The following CELSR1 variants were observed in gnomAD, a reference collection of about 807,000 sequenced individuals.
CELSR1 encodes the protein cadherin EGF LAG seven-pass G-type receptor 1.
CELSR1 carries 110 observed loss-of-function variants against 249.1 expected under a neutral mutation model. The observed-to-expected ratio is 0.44, with a 90% CI of 0.38 to 0.52. The LOEUF (loss-of-function observed/expected upper bound fraction) is 0.52, where lower values mean the gene tolerates loss of function less well. Ranked by LOEUF, CELSR1 falls within the 20% of genes least tolerant of loss-of-function variation. CELSR1 has a pLI of 0.00. For missense variants in CELSR1, 4,109 were observed against 4,296.4 expected, an observed-to-expected ratio of 0.96 and a Z score of 1.22; for synonymous variants, 2,113 against 1,900.0, an observed-to-expected ratio of 1.11 and a Z score of -2.92.
intron 1 of CELSR1, among the ~76,000 whole-genome samples, chr22:46,476,859 T>C (rs2080214008): frequency 1.2e-5 from 1 of 82,276 alleles, no homozygotes; most frequent in South Asian, 4.9e-4. Context: ...GAAGGAGAGG[T>C]TGCACATCGT....
intron 1 of CELSR1, among the ~76,000 whole-genome samples, chr22:46,475,996 C>T (rs570462706): frequency 3.7e-4 from 56 of 152,222 alleles, no homozygotes; most frequent in African/African-American, 1.3e-3. Context: ...GCCAGCCCAA[C>T]GCCAGCCTAA....
chr22:46,368,291 G>C (rs940177417), intron 27 of CELSR1, among the ~76,000 whole-genome samples: 2 of 152,076 alleles, frequency 1.3e-5, no homozygotes, highest in Non-Finnish European at 2.9e-5. Flanking sequence ...GGAAGACAAA[G>C]GCGCATCCCC....
chr22:46,384,594 C>G lies in CELSR1; in HGVS notation c.6832G>C (p.Glu2278Gln), dbSNP rs775847111. 21 of 1,613,606 alleles carry G rather than the reference C, an allele frequency of 1.3e-5. No individual in the cohort carries two copies. Among genetic ancestry groups the G allele is most frequent in the Non-Finnish European group, 1.7e-5 (20 of 1,179,886 alleles). The part of the protein sequence containing the change: ...TIHEEFPREL[E>Q]SSVSFPADFF... ...TCGGCTGGGAAGGAGACGGAGGACT[C>G]CAGCTCCCTGGGGAACTCTTCATGG... Residue 2278 changes from glutamate to glutamine, a missense_variant, in exon 20 of 35, where the codon GAG becomes CAG. Around this residue, in one of 7 missense-constraint regions of CELSR1, gnomAD observed 1,805 missense variants for 1,831.6 expected, o/e 0.99. Coordinates refer to ENST00000674500, the MANE Select transcript of CELSR1 (RefSeq NM_001378328.1).
chr22:46,408,305 G>A lies in CELSR1; in HGVS notation c.5226+691C>T, dbSNP rs1215909377. ...GAGGCATCTCAAGCTCCCAGAGAAAGTGGACGTGCATTGGTGCCAACCACC... is the reference window on the plus strand; with the variant it reads ...GAGGCATCTCAAGCTCCCAGAGAAAATGGACGTGCATTGGTGCCAACCACC... On this transcript the variant is annotated intron_variant, in intron 9 of 34. Transcript: ENST00000674500. The surrounding 1 kb of genome is among the most constrained non-coding windows in gnomAD (Gnocchi z 4.6). 3.9e-5 allele frequency among the ~76,000 whole-genome samples: 6 copies of A among 152,234 alleles called. No homozygotes were observed. The highest frequency in any genetic ancestry group is 4.1e-4 in the South Asian group (2 of 4,834).
At position 46,436,652 on chromosome 22, in the gene CELSR1, C is replaced by T. The variant is rs1309816400; in HGVS notation, c.4407-363G>A. Among the ~76,000 whole-genome samples the T allele has an allele frequency of 1.3e-5, 2 of 152,138 alleles. No individual in the cohort carries two copies. Among genetic ancestry groups the T allele is most frequent in the Non-Finnish European group, 2.9e-5 (2 of 68,020 alleles). ...TTCTGCTGCTGTGAACAGATCCCCC[C>T]GTGTGTGCGCCAGGGCATGGGGACC... On this transcript the variant is annotated intron_variant, in intron 3 of 34. Transcript: ENST00000674500. This position sits in a 1 kb window ranked among gnomAD's most constrained non-coding sequence, Gnocchi z 5.9.
intron 2 of CELSR1, among the ~76,000 whole-genome samples, chr22:46,451,597 GTGACC>G (rs1432418168): frequency 6.6e-6 from 1 of 152,120 alleles, no homozygotes; most frequent in Non-Finnish European, 1.5e-5. Context: ...GCGGGCCCAG[GTGACC>G]CCAGCCTGGA....
chr22:46,477,160 A>G (rs916403689), intron 1 of CELSR1, among the ~76,000 whole-genome samples: 1 of 152,152 alleles, frequency 6.6e-6, no homozygotes, highest in Non-Finnish European at 1.5e-5. Context: ...CCCTGGAGAC[A>G]CCAAACTCCC....
Position 46,477,484 on chromosome 22 carries a change from C to T in CELSR1, c.3545-13139G>A, listed in dbSNP as rs544155677. Among the ~76,000 whole-genome samples, 36 of 150,014 alleles carry T rather than the reference C, an allele frequency of 2.4e-4. 1 individual carries two copies. The South Asian group carries it at 7.2e-3, about 30-fold the overall frequency. On this transcript the variant is annotated intron_variant, in intron 1 of 34. Coordinates refer to ENST00000674500, the MANE Select transcript of CELSR1 (RefSeq NM_001378328.1). ...GGGAGACGCTGAGTGGCCAACGAGC[C>T]TGTTTTTTTGTTTTGTTTTGTTTTA... is the stretch of plus-strand genomic sequence containing the variant.
Position 46,511,599 on chromosome 22 carries a change from C to A in CELSR1, c.3544+22028G>T, listed in dbSNP as rs116561236. Among the ~76,000 whole-genome samples, 776 of 152,302 alleles carry A rather than the reference C, an allele frequency of 5.1e-3. 7 individuals are homozygous for A. Among genetic ancestry groups the A allele is most frequent in the African/African-American group, 0.017 (726 of 41,560 alleles). On this transcript the variant is annotated intron_variant, in intron 1 of 34. Coordinates refer to ENST00000674500, the MANE Select transcript of CELSR1 (RefSeq NM_001378328.1). The stretch of plus-strand genomic sequence containing the variant: ...ACCCAAAGCTCAGAGAGCTGTGGAT[C>A]CCAGGACTTGAGAAGCTCAGGGCAG...
chr22:46,503,746 A>C (rs949125737), intron 1 of CELSR1, among the ~76,000 whole-genome samples: 4 of 152,212 alleles, frequency 2.6e-5, no homozygotes, highest in African/African-American at 9.6e-5. Context: ...AAAAATATTT[A>C]AGGCTGGGTG....
chr22:46,535,981 C>G lies in CELSR1; in HGVS notation c.1190G>C (p.Trp397Ser). ...NLRYRVLGGA[W>S]DVFQLNESSG... ...GCTCTCGTTGAGCTGGAAGACGTCC[C>G]ACGCGCCCCCCAACACGCGGTAACG... The change falls in exon 1 of 35, where the codon TGG becomes TCG. Residue 397 changes from tryptophan (W) to serine (S), a missense_variant. Coordinates refer to ENST00000674500, the MANE Select transcript of CELSR1 (RefSeq NM_001378328.1). The G allele has an allele frequency of 2.1e-5, 34 of 1,610,642 alleles. No homozygotes were observed. Among genetic ancestry groups the G allele is most frequent in the Non-Finnish European group, 2.6e-5 (31 of 1,179,910 alleles).
rs1157001886 is a variant in CELSR1, at chr22:46,411,519, G to A, written c.4769+83C>T. 2.4e-5 allele frequency: 36 copies of A among 1,528,068 alleles called. No homozygotes were observed. In the East Asian group the frequency reaches 2.8e-4, roughly 12 times the overall value. The allele number at this position is 1,528,068 out of a possible 1,614,324, so 94.7% of individuals were successfully genotyped here. On this transcript the variant is annotated intron_variant, in intron 6 of 34. Coordinates refer to ENST00000674500, the MANE Select transcript of CELSR1 (RefSeq NM_001378328.1). This position sits in a 1 kb window ranked among gnomAD's most constrained non-coding sequence, Gnocchi z 4.2. ...AGGGCACTGCACCCAGAGTGCCTAC[G>A]TGGGGCCCTGCCCTGGGAAGGCCGC...
In CELSR1 at chr22:46,364,116, C is replaced by A; in HGVS notation, c.8915G>T (p.Gly2972Val). The A allele has an allele frequency of 6.2e-7, 1 of 1,612,264 alleles. No homozygotes were observed. The highest frequency in any genetic ancestry group is 2.2e-5 in the East Asian group (1 of 44,846). ...GACTGTGATGGCGCAGTCGGGGCCGCCAGAGCCCAGGGAAGACGTGCGCGA... is the reference window on the plus strand; with the variant it reads ...GACTGTGATGGCGCAGTCGGGGCCGACAGAGCCCAGGGAAGACGTGCGCGA... ...TSSRTSSLGSGGPDCAITVKS... is the reference protein window; with the variant it reads ...TSSRTSSLGSVGPDCAITVKS... Residue 2972 changes from glycine (G) to valine (V), a missense_variant, in exon 34 of 35, where the codon GGC becomes GTC. Physicochemically the swap from Gly to Val is moderately radical, Grantham distance 109 (BLOSUM62 -3). This residue lies in a region of CELSR1 where 1,805 missense variants were observed against 1,831.6 expected (regional missense o/e 0.99). Transcript: ENST00000674500.
Position 46,381,840 on chromosome 22 carries a change from C to T in CELSR1, c.7088+6G>A. ...CCTCCCCGTGTGCCCCGTGCCCAGG[C>T]CTTACCGGAGGCTGCGACGGTCGGG... is the stretch of plus-strand genomic sequence containing the variant. On this transcript the variant is annotated splice_donor_region_variant and intron_variant, in intron 21 of 34. Coordinates refer to ENST00000674500, the MANE Select transcript of CELSR1 (RefSeq NM_001378328.1). This position sits in a 1 kb window ranked among gnomAD's most constrained non-coding sequence, Gnocchi z 6.0. 1 of 1,546,782 alleles carries T rather than the reference C, an allele frequency of 6.5e-7. No homozygotes were observed. The highest frequency in any genetic ancestry group is 8.7e-7 in the Non-Finnish European group (1 of 1,149,578).
intron 1 of CELSR1, among the ~76,000 whole-genome samples, chr22:46,496,627 ATTT>A (rs55785020): frequency 8.0e-4 from 121 of 150,894 alleles, no homozygotes; most frequent in East Asian, 1.6e-3. Context: ...TTATCTATTA[ATTT>A]TTTTTTTTTA....
chr22:46,414,943 G>A (rs751993633), intron 5 of CELSR1, among the ~76,000 whole-genome samples: 2 of 152,178 alleles, frequency 1.3e-5, no homozygotes, highest in African/African-American at 2.4e-5. Context: ...CGCAGCCACC[G>A]AAAGGCACGA....
At chr22:46,530,510 G>C (rs2080781051) in intron 1 of CELSR1, 2 of 152,018 alleles carry the variant, frequency 1.3e-5, no homozygotes, top group Admixed American at 6.6e-5. Context: ...CCTGAAAAAC[G>C]CAAACACAGC....
rs2147821612 is a variant in CELSR1 at position 46,533,694 on chromosome 22, T to C, written c.3477A>G (p.Glu1159=). 2 of 1,611,054 alleles carry C rather than the reference T, an allele frequency of 1.2e-6. No individual in the cohort carries two copies. The highest frequency in any genetic ancestry group is 1.7e-6 in the Non-Finnish European group (2 of 1,179,528). The stretch of plus-strand genomic sequence containing the variant: ...TGTCCAGGTCGCGGCTGAGCTGCAG[T>C]TCGCCCGTGGCGGGGTCCAGCAGCA... The part of the protein sequence containing the change: ...RLLLLDPATG[E]LQLSRDLDNN... Residue 1159 remains glutamate, a synonymous_variant, in exon 1 of 35, where the codon GAA becomes GAG. Transcript: ENST00000674500.
Position 46,535,762 on chromosome 22 carries a change from T to A in CELSR1, c.1409A>T (p.Glu470Val), listed in dbSNP as rs1221967993. 6.2e-7 allele frequency: 1 copy of A among 1,612,562 alleles called. No individual in the cohort carries two copies. The highest frequency in any genetic ancestry group is 8.5e-7 in the Non-Finnish European group (1 of 1,179,998). The change falls in exon 1 of 35, where the codon GAG becomes GTG. Residue 470 changes from glutamate to valine, a missense_variant. Coordinates refer to ENST00000674500, the MANE Select transcript of CELSR1 (RefSeq NM_001378328.1). Reference protein sequence around the residue: ...SEQNYVVQVPEDVGLNTAVLR... With the variant: ...SEQNYVVQVPVDVGLNTAVLR... ...CACAGCCGTGTTGAGCCCCACGTCCTCGGGCACCTGGACCACGTAGTTCTG... is the reference window on the plus strand; with the variant it reads ...CACAGCCGTGTTGAGCCCCACGTCCACGGGCACCTGGACCACGTAGTTCTG...
Sources: gnomAD v4.1 joint callset for allele counts (sites outside exome capture counted in the v4.1 genomes callset) on GRCh38, gnomAD v4.1.1 for gene constraint, gnomAD v4.1.1 regional missense constraint, Gnocchi (gnomAD v3.1) non-coding constraint, MANE v1.5 for transcripts, NCBI Gene and HGNC (gene_info 2026-07-23, HGNC 2026-07-21) for gene names.